DYM: variants seen among roughly 807,000 people sequenced by gnomAD.
The protein encoded by DYM is dymeclin.
A neutral mutation model predicts 93.1 loss-of-function variants in DYM; 78 were observed. The observed-to-expected ratio is 0.84, with a 90% confidence interval of 0.70 to 1.01. The LOEUF (loss-of-function observed/expected upper bound fraction) is 1.01. DYM is among the 50% of genes least tolerant of loss of function. DYM has a pLI of 0.00. For synonymous variants in DYM, 321 were observed against 319.7 expected (o/e 1.00, Z -0.04); for missense variants, 789 against 845.0 (o/e 0.93, Z 0.82).
chr18:49,334,119 T>A (rs527759882), intron 6 of DYM, among the ~76,000 whole-genome samples: 17 of 152,360 alleles, frequency 1.1e-4, no homozygotes, highest in Non-Finnish European at 2.4e-4. Context: ...AGTCTATTTA[T>A]GTATAATGGA....
chr18:49,379,797 G>T, intron 3 of DYM, 39 bp from the exon 4 acceptor site: 1 of 1,496,306 alleles, frequency 6.7e-7, no homozygotes, highest in South Asian at 1.1e-5. Context: ...TTAAATTTAA[G>T]AACTAAAATC....
chr18:49,316,717 C>T (rs902996233), intron 8 of DYM, among the ~76,000 whole-genome samples: 2 of 152,084 alleles, frequency 1.3e-5, no homozygotes, highest in African/African-American at 4.8e-5. Flanking sequence ...TATGTATCTT[C>T]TCCTCCCCCT....
intron 2 of DYM, among the ~76,000 whole-genome samples, chr18:49,428,587 G>A (rs952280513): frequency 6.6e-6 from 1 of 152,172 alleles, no homozygotes. Context: ...TCGGGAGGCT[G>A]AGGCCGAAGA....
At chr18:49,385,209 C>G (rs528390065) in intron 3 of DYM, among the ~76,000 whole-genome samples, 1 of 152,222 alleles carries the variant, frequency 6.6e-6, no homozygotes, top group Non-Finnish European at 1.5e-5. Flanking sequence ...AGAGCACACT[C>G]TTTCAGGAGA....
At position 49,153,752 on chromosome 18, in the gene DYM, C is replaced by T. The variant is rs151108103; in HGVS notation, c.1728+9933G>A. On this transcript the variant is annotated intron_variant, in intron 15 of 17. Transcript: ENST00000675505. Reference sequence around the variant, plus strand: ...CCTTATAGAATTCTATTAATAATGGCAGAAGGAATGAGAAAAAAAGAAAAT... The same window carrying T: ...CCTTATAGAATTCTATTAATAATGGTAGAAGGAATGAGAAAAAAAGAAAAT... Among the ~76,000 whole-genome samples, 556 of 151,978 alleles carry T rather than the reference C, an allele frequency of 3.7e-3. 3 individuals are homozygous for T. The highest frequency in any genetic ancestry group is 4.9e-3 in the Non-Finnish European group (330 of 67,984).
intron 14 of DYM, among the ~76,000 whole-genome samples, chr18:49,184,494 C>T (rs1441066048): frequency 2.0e-5 from 3 of 152,172 alleles, no homozygotes; most frequent in Admixed American, 6.5e-5. Flanking sequence ...TGCAGCAATA[C>T]AGTATTCCCC....
chr18:49,261,277 A>C (rs1385883070), intron 11 of DYM, among the ~76,000 whole-genome samples: 1 of 152,208 alleles, frequency 6.6e-6, no homozygotes, highest in Non-Finnish European at 1.5e-5. Context: ...CCCCCATTAC[A>C]AATAAGCCCA....
At chr18:49,222,319 T>C (rs966777193) in intron 13 of DYM, among the ~76,000 whole-genome samples, 3 of 152,128 alleles carry the variant, frequency 2.0e-5, no homozygotes, top group Non-Finnish European at 4.4e-5. Context: ...TTCAGCTTTG[T>C]CCATTGAAGA....
At chr18:49,300,400 G>T (rs183909077) in intron 8 of DYM, among the ~76,000 whole-genome samples, 4 of 152,050 alleles carry the variant, frequency 2.6e-5, no homozygotes, top group African/African-American at 9.6e-5. Context: ...AGGAGTTTGA[G>T]ACCAGCCTGG....
At chr18:49,230,415 TC>T (rs1354834755) in intron 13 of DYM, among the ~76,000 whole-genome samples, 2 of 152,138 alleles carry the variant, frequency 1.3e-5, no homozygotes, top group African/African-American at 4.8e-5. Context: ...CACATGTCTT[TC>T]CCATGCTAGC....
intron 1 of DYM, among the ~76,000 whole-genome samples, chr18:49,434,252 C>T (rs2080610070): frequency 6.6e-6 from 1 of 151,578 alleles, no homozygotes; most frequent in Admixed American, 6.6e-5. Flanking sequence ...GAGACTGAGG[C>T]AGGGGAATCA....
At chr18:49,236,693 T>C (rs182893868) in intron 13 of DYM, among the ~76,000 whole-genome samples, 1 of 152,180 alleles carries the variant, frequency 6.6e-6, no homozygotes, top group East Asian at 1.9e-4. Context: ...CAAAGTCTTT[T>C]AAAAATAACA....
intron 17 of DYM, among the ~76,000 whole-genome samples, chr18:49,085,053 T>C (rs181841655): frequency 1.3e-3 from 196 of 152,366 alleles, no homozygotes; most frequent in Admixed American, 3.4e-3. Context: ...TTTGTATATA[T>C]GATCTCTCAA....
rs116150114 is a variant in DYM at position 49,168,395 on chromosome 18, G to C, written c.1626-4608C>G. 4.0e-3 allele frequency among the ~76,000 whole-genome samples: 604 copies of C among 152,280 alleles called. 3 individuals carry two copies. Among genetic ancestry groups the C allele is most frequent in the African/African-American group, 0.014 (587 of 41,558 alleles). On this transcript the variant is annotated intron_variant, in intron 14 of 17. Transcript: ENST00000675505. ...AACATGCTATCTTGAAGAAAACAGA[G>C]CCCCTGCCAATGACAGCATTTCACA...
At chr18:49,360,207 A>G (rs2065899289) in intron 6 of DYM, among the ~76,000 whole-genome samples, 1 of 147,882 alleles carries the variant, frequency 6.8e-6, no homozygotes, top group Admixed American at 6.9e-5. Flanking sequence ...ATCTAAAGGT[A>G]TTTACTGTTT....
intron 1 of DYM, among the ~76,000 whole-genome samples, chr18:49,441,673 G>A (rs1490634518): frequency 6.6e-6 from 1 of 151,946 alleles, no homozygotes; most frequent in Non-Finnish European, 1.5e-5. Context: ...GGTGACAGAG[G>A]AGTGTACCTG....
intron 11 of DYM, among the ~76,000 whole-genome samples, chr18:49,271,851 T>C (rs947389775): frequency 2.0e-5 from 3 of 152,034 alleles, no homozygotes; most frequent in Non-Finnish European, 4.4e-5. Context: ...TAATTCTGTA[T>C]GCATGAAGCA....
At position 49,191,059 on chromosome 18, in the gene DYM, A is replaced by T. The variant is rs189578519; in HGVS notation, c.1625+18492T>A. On this transcript the variant is annotated intron_variant, in intron 14 of 17. Transcript: ENST00000675505. ...ATGCAAAGTTATTTGTCAAAGTTCT[A>T]TTGTGATTGTGCTGGGGGGAGTGCA... is the stretch of plus-strand genomic sequence containing the variant. Among the ~76,000 whole-genome samples, 201 of 137,602 alleles carry T rather than the reference A, an allele frequency of 1.5e-3. 1 individual carries two copies. Among genetic ancestry groups the T allele is most frequent in the Middle Eastern group, 3.8e-3 (1 of 260 alleles). 90.3% of individuals were successfully genotyped at this position (137,602 alleles called of 152,430 possible). A position where few individuals can be genotyped will look rare whatever the true frequency, so the allele number is the denominator to read the frequency against.
At chr18:49,387,128 G>C (rs991446461) in intron 3 of DYM, among the ~76,000 whole-genome samples, 1 of 151,738 alleles carries the variant, frequency 6.6e-6, no homozygotes, top group Non-Finnish European at 1.5e-5. Context: ...TGTAGAGACA[G>C]GGTCTTGCTA....
Sources: gnomAD v4.1 joint callset for allele counts (sites outside exome capture counted in the v4.1 genomes callset) on GRCh38, gnomAD v4.1.1 for gene constraint, MANE v1.5 for transcripts, NCBI Gene and HGNC (gene_info 2026-07-23, HGNC 2026-07-21) for gene names.